Variants in WDR7 observed in about 807,000 individuals in gnomAD.
WDR7 encodes WD repeat domain 7, also known as WD repeat-containing protein 7.
In WDR7, 46 loss-of-function variants were observed where a neutral mutation model predicts 169.4. The observed-to-expected ratio is 0.27, with a 90% CI of 0.21 to 0.35. The LOEUF (loss-of-function observed/expected upper bound fraction) is 0.35. WDR7 is among the 10% of genes least tolerant of loss of function. The pLI, the probability that WDR7 is intolerant of heterozygous loss-of-function variation, is 1.00. For missense variants in WDR7, 1,534 were observed against 1,859.3 expected, an observed-to-expected ratio of 0.83 and a Z score of 3.22; for synonymous variants, 612 against 666.8, an observed-to-expected ratio of 0.92 and a Z score of 1.27.
intron 20 of WDR7, among the ~76,000 whole-genome samples, chr18:56,817,070 C>T (rs2145219665): frequency 6.6e-6 from 1 of 152,098 alleles, no homozygotes; most frequent in Non-Finnish European, 1.5e-5. Flanking sequence ...GAGGGCTGGA[C>T]ACAGTGGCTC....
At chr18:56,908,053 AC>A (rs2046503635) in intron 21 of WDR7, among the ~76,000 whole-genome samples, 1 of 152,174 alleles carries the variant, frequency 6.6e-6, no homozygotes, top group African/African-American at 2.4e-5. Context: ...AGTTCTATAA[AC>A]ATGCATTTAA....
intron 19 of WDR7, among the ~76,000 whole-genome samples, chr18:56,793,075 G>A (rs1599047996): frequency 1.3e-5 from 2 of 152,108 alleles, no homozygotes; most frequent in African/African-American, 4.8e-5. Context: ...TTCAGTATGT[G>A]ACTAAAATAG....
chr18:56,959,384 C>T (rs1388580264), intron 25 of WDR7, among the ~76,000 whole-genome samples: 1 of 152,170 alleles, frequency 6.6e-6, no homozygotes, highest in African/African-American at 2.4e-5. Flanking sequence ...ATGATGACCA[C>T]CTCAGCTCCA....
At chr18:56,927,749 T>C (rs1348085558) in intron 22 of WDR7, among the ~76,000 whole-genome samples, 4 of 152,226 alleles carry the variant, frequency 2.6e-5, no homozygotes, top group Non-Finnish European at 5.9e-5. Context: ...ATTTTAACTA[T>C]TAATTAATCA....
At chr18:56,672,182 A>G (rs1336107561) in intron 1 of WDR7, among the ~76,000 whole-genome samples, 1 of 152,186 alleles carries the variant, frequency 6.6e-6, no homozygotes. Context: ...GATAAATATG[A>G]GGTACTGAAG....
At chr18:56,995,731 C>T (rs543261606) in intron 26 of WDR7, among the ~76,000 whole-genome samples, 2 of 152,300 alleles carry the variant, frequency 1.3e-5, no homozygotes, top group African/African-American at 4.8e-5. Flanking sequence ...CAGGGATCCT[C>T]CCTGTTTCTG....
intron 20 of WDR7, among the ~76,000 whole-genome samples, chr18:56,817,773 T>C (rs2045006328): frequency 6.7e-6 from 1 of 149,858 alleles, no homozygotes; most frequent in African/African-American, 2.5e-5. Flanking sequence ...TGAGATGGAG[T>C]CTTGCTTTGT....
chr18:56,871,735 A>G (rs1027029645), intron 20 of WDR7, among the ~76,000 whole-genome samples: 3 of 152,024 alleles, frequency 2.0e-5, no homozygotes, highest in African/African-American at 7.2e-5. Flanking sequence ...TGTGCCAGAA[A>G]TTTCTGGCAT....
intron 25 of WDR7, among the ~76,000 whole-genome samples, chr18:56,943,710 C>G (rs2047063029): frequency 6.6e-6 from 1 of 151,986 alleles, no homozygotes; most frequent in African/African-American, 2.4e-5. Flanking sequence ...AATTTTTAGT[C>G]AGCATTGTAA....
chr18:56,991,673 A>G (rs2145859896), intron 26 of WDR7, among the ~76,000 whole-genome samples: 1 of 152,354 alleles, frequency 6.6e-6, no homozygotes, highest in East Asian at 1.9e-4. Context: ...AGTAAGAAAG[A>G]AAAAGGAATC....
In WDR7 at chr18:56,891,986, T is replaced by C. The variant is rs933083736; in HGVS notation, c.3526+11821T>C. On this transcript the variant is annotated intron_variant, in intron 21 of 27. Coordinates refer to ENST00000254442, the MANE Select transcript of WDR7 (RefSeq NM_015285.3). The stretch of plus-strand genomic sequence containing the variant: ...ATTTTGCTCTTACTTGTAAATAATA[T>C]ATGTTGTATAACAGCTTTATCATTT... 2.0e-5 allele frequency among the ~76,000 whole-genome samples: 3 copies of C among 152,144 alleles called. No individual in the cohort carries two copies. The East Asian group carries it at 5.8e-4, about 29-fold the overall frequency.
At chr18:56,735,386 G>A (rs1011282930) in intron 14 of WDR7, among the ~76,000 whole-genome samples, 4 of 152,136 alleles carry the variant, frequency 2.6e-5, no homozygotes, top group African/African-American at 9.7e-5. Context: ...AATAGGAGAC[G>A]TGCATCTTAT....
chr18:56,792,841 A>G (rs1162367055), intron 19 of WDR7, among the ~76,000 whole-genome samples: 1 of 152,030 alleles, frequency 6.6e-6, no homozygotes, highest in African/African-American at 2.4e-5. Flanking sequence ...AGAATTAGTA[A>G]AGAGTTAATA....
At chr18:56,913,936 G>C (rs181862761) in intron 21 of WDR7, among the ~76,000 whole-genome samples, 260 of 152,192 alleles carry the variant, frequency 1.7e-3, no homozygotes, top group African/African-American at 5.9e-3. Context: ...CCCCACTACG[G>C]TCTATTCCAT....
At chr18:56,678,828 G>T (rs183647050) in intron 2 of WDR7, among the ~76,000 whole-genome samples, 1 of 152,108 alleles carries the variant, frequency 6.6e-6, no homozygotes, top group South Asian at 2.1e-4. Context: ...TAGAGGTACC[G>T]CCTTGATGGG....
At chr18:56,790,274 G>A (rs893683788) in intron 19 of WDR7, among the ~76,000 whole-genome samples, 17 of 152,262 alleles carry the variant, frequency 1.1e-4, no homozygotes, top group Non-Finnish European at 2.4e-4. Context: ...ATAATCTTGT[G>A]ATGTTTTACC....
intron 20 of WDR7, among the ~76,000 whole-genome samples, chr18:56,856,460 G>T (rs911842218): frequency 6.6e-5 from 10 of 152,084 alleles, no homozygotes; most frequent in African/African-American, 2.4e-4. Context: ...CTTGAACTGG[G>T]GAAGTGGAGG....
chr18:56,696,182 C>A, intron 11 of WDR7, 60 bp from the exon 12 acceptor site: 1 of 1,373,648 alleles, frequency 7.3e-7, no homozygotes, highest in South Asian at 1.4e-5. Context: ...TTTACTTTTA[C>A]TTACTGAAAC....
At chr18:56,854,479 T>C (rs2045688581) in intron 20 of WDR7, among the ~76,000 whole-genome samples, 1 of 152,220 alleles carries the variant, frequency 6.6e-6, no homozygotes, top group Non-Finnish European at 1.5e-5. Context: ...TGATCAGCTC[T>C]CTGGAAGCTC....
Sources: allele counts gnomAD v4.1 joint callset (sites outside exome capture counted in the v4.1 genomes callset), GRCh38; gene constraint gnomAD v4.1.1; transcripts MANE v1.5; gene names NCBI Gene and HGNC (gene_info 2026-07-23, HGNC 2026-07-21).